The following MAP3K19 variants were observed in gnomAD, a reference collection of about 807,000 sequenced individuals.
The protein encoded by MAP3K19 is SPS1/STE20-related protein kinase YSK4.
Under a neutral mutation model 114.4 loss-of-function variants are expected in MAP3K19, and 91 were observed. The observed-to-expected ratio is 0.80, with a 90% CI of 0.67 to 0.95. MAP3K19 has a LOEUF of 0.95. Among genes scored for constraint, MAP3K19 ranks in the 40% least tolerant of loss-of-function variants. The pLI, the probability that MAP3K19 is intolerant of heterozygous loss-of-function variation, is 0.00. For synonymous variants in MAP3K19, 518 were observed against 530.5 expected (o/e 0.98, Z 0.32); for missense variants, 1,471 against 1,573.2 (o/e 0.94, Z 1.10).
intron 5 of MAP3K19, among the ~76,000 whole-genome samples, chr2:135,018,738 G>C (rs1458267714): frequency 6.6e-6 from 1 of 151,978 alleles, no homozygotes; most frequent in Non-Finnish European, 1.5e-5. Flanking sequence ...AATGATAGAG[G>C]AACAACAGGC....
At chr2:134,966,301 T>G (rs1683343018) in intron 12 of MAP3K19, among the ~76,000 whole-genome samples, 1 of 152,148 alleles carries the variant, frequency 6.6e-6, no homozygotes, top group Non-Finnish European at 1.5e-5. Flanking sequence ...TTTTTGGGGT[T>G]TTTTTGAGAA....
At chr2:134,988,485 GGCTCAAGC>G (rs1257314691) in intron 9 of MAP3K19, among the ~76,000 whole-genome samples, 2 of 152,086 alleles carry the variant, frequency 1.3e-5, no homozygotes, top group Admixed American at 1.3e-4. Context: ...TGACTTCCTG[GGCTCAAGC>G]GATCCTCCCA....
In MAP3K19 at chr2:134,973,648, T is replaced by G. The variant is rs115870365; in HGVS notation, c.3920+7173A>C. Among the ~76,000 whole-genome samples the G allele has an allele frequency of 2.8e-3, 429 of 151,376 alleles. 1 individual carries two copies. The highest frequency in any genetic ancestry group is 9.8e-3 in the African/African-American group (401 of 41,052). ...TTTGTTGATTGTTTTCTGGTTGGTT[T>G]GTTTGTTTGTTTGTTTGTTTCTTTC... On this transcript the variant is annotated intron_variant, in intron 12 of 12. Transcript: ENST00000392915.
intron 6 of MAP3K19, among the ~76,000 whole-genome samples, chr2:135,002,981 G>A (rs1573994543): frequency 6.6e-6 from 1 of 152,284 alleles, no homozygotes; most frequent in Non-Finnish European, 1.5e-5. Context: ...TGGAGATGGG[G>A]CCTCTAAGGA....
Position 134,983,732 on chromosome 2 carries a change from C to A in MAP3K19, c.3166G>T (p.Glu1056Ter). ...KIFSENSLKS[E>*]EPILWTKGEI... is the part of the protein sequence containing the mutation. The stretch of plus-strand genomic sequence containing the variant: ...CCCTTGGTCCATAGGATAGGTTCTT[C>A]AGACTTTAAACTATTTTCAGAAAAT... The change falls in exon 11 of 13, where the codon GAA becomes TAA. Residue 1056 changes from glutamate (E) to a stop codon, truncating the protein, a stop_gained. Coordinates refer to ENST00000392915, the MANE Select transcript of MAP3K19 (RefSeq NM_025052.5). LOFTEE classifies it high-confidence loss of function. The A allele has an allele frequency of 6.2e-7, 1 of 1,604,294 alleles. No homozygotes were observed. Among genetic ancestry groups the A allele is most frequent in the Non-Finnish European group, 8.5e-7 (1 of 1,176,984 alleles).
At chr2:135,044,476 G>A (rs1485437728) in intron 1 of MAP3K19, among the ~76,000 whole-genome samples, 1 of 152,148 alleles carries the variant, frequency 6.6e-6, no homozygotes, top group African/African-American at 2.4e-5. Context: ...TGTAATACAA[G>A]CTACTTGGGA....
chr2:134,966,698 T>C (rs561250319), intron 12 of MAP3K19, among the ~76,000 whole-genome samples: 1 of 152,310 alleles, frequency 6.6e-6, no homozygotes, highest in South Asian at 2.1e-4. Flanking sequence ...AGTCTGTGCC[T>C]CCAGCCCTGC....
intron 3 of MAP3K19, among the ~76,000 whole-genome samples, chr2:135,028,293 C>T (rs1688301643): frequency 1.3e-5 from 2 of 152,274 alleles, no homozygotes; most frequent in South Asian, 4.1e-4. Context: ...TGGTGGCTCA[C>T]ACCTGTAATC....
intron 9 of MAP3K19, chr2:134,991,260 C>A (rs1685552859): frequency 2.6e-6 from 1 of 388,660 alleles, no homozygotes; most frequent in Admixed American, 3.6e-5. Context: ...GAGATTGCAC[C>A]ACTGCACTCT....
At chr2:135,005,334 G>A in intron 6 of MAP3K19, 101 bp downstream of exon 6, 1 of 849,994 alleles carries the variant, frequency 1.2e-6, no homozygotes, top group African/African-American at 1.7e-5. Context: ...AGGCTCCAGT[G>A]TATGTTGTTC....
intron 5 of MAP3K19, among the ~76,000 whole-genome samples, chr2:135,010,354 C>T (rs1002676876): frequency 3.3e-5 from 5 of 152,116 alleles, no homozygotes; most frequent in African/African-American, 1.2e-4. Context: ...AATTTTCTAA[C>T]TTATTTTATA....
At chr2:135,012,022 C>G (rs1042348108) in intron 5 of MAP3K19, among the ~76,000 whole-genome samples, 1 of 152,164 alleles carries the variant, frequency 6.6e-6, no homozygotes. Flanking sequence ...TTATCAATAT[C>G]TTATGCATGA....
At chr2:134,969,133 C>T (rs573716742) in intron 12 of MAP3K19, among the ~76,000 whole-genome samples, 8 of 152,148 alleles carry the variant, frequency 5.3e-5, no homozygotes, top group Non-Finnish European at 1.0e-4. Flanking sequence ...GGATCACTCG[C>T]GGTTAGGAGC....
chr2:135,022,691 C>A (rs1688063431), intron 4 of MAP3K19, among the ~76,000 whole-genome samples: 1 of 152,116 alleles, frequency 6.6e-6, no homozygotes, highest in Non-Finnish European at 1.5e-5. Flanking sequence ...AAATTTAGAT[C>A]GCTCAAACTT....
intron 12 of MAP3K19, among the ~76,000 whole-genome samples, chr2:134,965,321 T>A (rs551744578): frequency 1.6e-4 from 25 of 152,328 alleles, no homozygotes; most frequent in Non-Finnish European, 3.1e-4. Context: ...TTCAGAAGCA[T>A]TAAAATCCAG....
At chr2:134,970,445 C>T (rs989473753) in intron 12 of MAP3K19, among the ~76,000 whole-genome samples, 4 of 152,002 alleles carry the variant, frequency 2.6e-5, no homozygotes, top group South Asian at 4.2e-4. Flanking sequence ...AACAAATTTT[C>T]GTATGTTAAT....
intron 10 of MAP3K19, 99 bp downstream of exon 10, chr2:134,985,701 T>C: frequency 9.1e-7 from 1 of 1,103,360 alleles, no homozygotes; most frequent in Non-Finnish European, 1.3e-6. Context: ...TTTAATTGTT[T>C]AGGGTTTATA....
At chr2:135,042,501 CAAAAAAAAAA>C (rs1168430275) in intron 1 of MAP3K19, among the ~76,000 whole-genome samples, 1 of 58,778 alleles carries the variant, frequency 1.7e-5, no homozygotes, top group Non-Finnish European at 3.9e-5. Flanking sequence ...GACTCTGTCT[CAAAAAAAAAA>C]AAAAAAAAGA....
intron 4 of MAP3K19, among the ~76,000 whole-genome samples, chr2:135,023,949 T>A (rs1459845204): frequency 1.3e-5 from 2 of 152,104 alleles, no homozygotes; most frequent in East Asian, 3.8e-4. Context: ...CTCCCCTCCA[T>A]GGGCCCAGTT....
Sources: allele counts gnomAD v4.1 joint callset (sites outside exome capture counted in the v4.1 genomes callset), GRCh38; gene constraint gnomAD v4.1.1; transcripts MANE v1.5; gene names NCBI Gene and HGNC (gene_info 2026-07-23, HGNC 2026-07-21).